Variants in RAPGEF6 observed in about 807,000 individuals in gnomAD.
The protein encoded by RAPGEF6 is PDZ domain containing guanine nucleotide exchange factor (GEF) 2.
A neutral mutation model predicts 171.4 loss-of-function variants in RAPGEF6; 56 were observed. That is an observed-to-expected ratio of 0.33 (90% CI 0.26 to 0.41). RAPGEF6 has a LOEUF of 0.41. RAPGEF6 is among the 10% of genes least tolerant of loss of function. The probability of loss-of-function intolerance (pLI) is 1.00; values close to 1 mark genes in which losing one functional copy is unlikely to be tolerated. For missense variants in RAPGEF6, 1,674 were observed against 1,921.4 expected, an observed-to-expected ratio of 0.87 and a Z score of 2.41; for synonymous variants, 692 against 650.1, an observed-to-expected ratio of 1.06 and a Z score of -0.98.
chr5:131,501,372 A>G lies in RAPGEF6; in HGVS notation c.1255-2765T>C, dbSNP rs148769714. 1.1e-4 allele frequency among the ~76,000 whole-genome samples: 16 copies of G among 152,000 alleles called. No homozygotes were observed. In the East Asian group the frequency reaches 2.9e-3, roughly 28 times the overall value. On this transcript the variant is annotated intron_variant, in intron 11 of 27. Coordinates refer to ENST00000509018, the MANE Select transcript of RAPGEF6 (RefSeq NM_016340.6). The stretch of plus-strand genomic sequence containing the variant: ...AAAAAATCAAATGATCAATCCTTCT[A>G]TGAGCAAAAGATGGTTATGATTTGC...
intron 24 of RAPGEF6, among the ~76,000 whole-genome samples, chr5:131,438,837 A>G (rs1444451543): frequency 6.6e-6 from 1 of 152,204 alleles, no homozygotes; most frequent in African/African-American, 2.4e-5. Flanking sequence ...TAATTTTAAA[A>G]AAGGTAATAC....
chr5:131,485,789 G>A (rs1032628684), intron 15 of RAPGEF6, among the ~76,000 whole-genome samples: 7 of 152,108 alleles, frequency 4.6e-5, no homozygotes, highest in African/African-American at 1.4e-4. Flanking sequence ...CATCTTATCT[G>A]GAAATGGAAC....
At chr5:131,446,423 GA>G in intron 22 of RAPGEF6, 59 bp downstream of exon 22, 1 of 1,460,592 alleles carries the variant, frequency 6.8e-7, no homozygotes, top group Non-Finnish European at 9.3e-7. Flanking sequence ...TAATTCTAGA[GA>G]AATAAGTTTT....
At chr5:131,433,180 G>C (rs1236556793) in intron 25 of RAPGEF6, among the ~76,000 whole-genome samples, 1 of 152,082 alleles carries the variant, frequency 6.6e-6, no homozygotes, top group African/African-American at 2.4e-5. Flanking sequence ...TTTGAGTTCT[G>C]ACTGGAAAGA....
intron 13 of RAPGEF6, among the ~76,000 whole-genome samples, chr5:131,494,150 C>T (rs945952092): frequency 6.6e-6 from 1 of 152,244 alleles, no homozygotes; most frequent in Non-Finnish European, 1.5e-5. Flanking sequence ...GAACTAGGAA[C>T]TACTATCTTT....
chr5:131,485,375 G>C (rs895908689), intron 15 of RAPGEF6, among the ~76,000 whole-genome samples: 2 of 152,206 alleles, frequency 1.3e-5, no homozygotes, highest in African/African-American at 4.8e-5. Flanking sequence ...TGTGGGTCAG[G>C]TAGAGGGACT....
chr5:131,537,576 C>G (rs1759851501), intron 6 of RAPGEF6, among the ~76,000 whole-genome samples: 1 of 152,064 alleles, frequency 6.6e-6, no homozygotes. Context: ...TACACTCATA[C>G]AGCATTATAT....
intron 3 of RAPGEF6, among the ~76,000 whole-genome samples, chr5:131,597,441 G>A (rs1252643967): frequency 6.6e-6 from 1 of 151,936 alleles, no homozygotes; most frequent in East Asian, 1.9e-4. Flanking sequence ...CCAAAATACA[G>A]ACTCAACCCA....
At position 131,521,281 on chromosome 5, in the gene RAPGEF6, G is replaced by A. The variant is rs1005524916; in HGVS notation, c.627+109C>T. ...AAGCTTATTTTTCTAAAGACCTTAC[G>A]CTTGAATTTCATACTCTAAAAGATA... On this transcript the variant is annotated intron_variant, in intron 7 of 27. Transcript: ENST00000509018. The A allele has an allele frequency of 1.4e-4, 159 of 1,154,642 alleles. 1 individual carries two copies. In the Middle Eastern group the frequency reaches 3.0e-3, roughly 22 times the overall value. The allele number at this position is 1,154,642 out of a possible 1,614,324, so 71.5% of individuals were successfully genotyped here.
chr5:131,475,040 C>G (rs1314151027), intron 16 of RAPGEF6, among the ~76,000 whole-genome samples: 2 of 152,228 alleles, frequency 1.3e-5, no homozygotes, highest in Non-Finnish European at 1.5e-5. Flanking sequence ...CCTTATATCT[C>G]TTGCTGATGC....
chr5:131,534,122 T>C (rs1234134191), intron 6 of RAPGEF6, among the ~76,000 whole-genome samples: 1 of 152,070 alleles, frequency 6.6e-6, no homozygotes, highest in Non-Finnish European at 1.5e-5. Flanking sequence ...GCAATATAAT[T>C]ATTTTGCTTT....
At chr5:131,435,877 A>C (rs1405920193) in intron 24 of RAPGEF6, 9 of 1,444,906 alleles carry the variant, frequency 6.2e-6, no homozygotes, top group Non-Finnish European at 7.3e-6. Context: ...GCTTTGACAA[A>C]TGGTTTAATT....
intron 15 of RAPGEF6, among the ~76,000 whole-genome samples, chr5:131,487,152 G>A (rs1235105692): frequency 6.6e-6 from 1 of 152,000 alleles, no homozygotes; most frequent in Non-Finnish European, 1.5e-5. Flanking sequence ...TCCTTCAGAT[G>A]TGTCCGGAGT....
intron 1 of RAPGEF6, among the ~76,000 whole-genome samples, chr5:131,607,852 GATAAA>G (rs370038006): frequency 2.0e-5 from 3 of 152,206 alleles, no homozygotes; most frequent in East Asian, 1.9e-4. Context: ...TTTAGGTCAA[GATAAA>G]ATAAAAGAAA....
chr5:131,469,104 G>A (rs1754574095), intron 17 of RAPGEF6, among the ~76,000 whole-genome samples: 1 of 152,130 alleles, frequency 6.6e-6, no homozygotes, highest in African/African-American at 2.4e-5. Context: ...AAAAATTTGT[G>A]GTAGAACAAC....
chr5:131,629,419 C>A (rs570195406), intron 1 of RAPGEF6, among the ~76,000 whole-genome samples: 6 of 151,892 alleles, frequency 4.0e-5, no homozygotes, highest in Non-Finnish European at 7.4e-5. Context: ...TTGAAGGGTA[C>A]AACACTTCAG....
rs1009521890 is a variant in RAPGEF6, at chr5:131,549,572, G to A, written c.352-1382C>T. ...AAAAGTTATGTGGGGGTGAGGGGGC[G>A]CAGTGGCGAGTGCCTGTAGTCCCTG... On this transcript the variant is annotated intron_variant, in intron 5 of 27. Coordinates refer to ENST00000509018, the MANE Select transcript of RAPGEF6 (RefSeq NM_016340.6). Among the ~76,000 whole-genome samples the A allele has an allele frequency of 7.2e-5, 11 of 151,982 alleles. No homozygotes were observed. The South Asian group carries it at 1.0e-3, about 14-fold the overall frequency.
intron 4 of RAPGEF6, among the ~76,000 whole-genome samples, chr5:131,572,520 G>A (rs935056096): frequency 2.0e-5 from 3 of 152,144 alleles, no homozygotes; most frequent in Non-Finnish European, 2.9e-5. Context: ...CCACAGGGAC[G>A]CCTGCCTTGA....
At chr5:131,529,830 C>T (rs1040420427) in intron 6 of RAPGEF6, among the ~76,000 whole-genome samples, 1 of 147,850 alleles carries the variant, frequency 6.8e-6, no homozygotes, top group Non-Finnish European at 1.5e-5. Context: ...CCCAGGAGTT[C>T]AAGGCTGCAG....
Sources: gnomAD v4.1 joint callset for allele counts (sites outside exome capture counted in the v4.1 genomes callset) on GRCh38, gnomAD v4.1.1 for gene constraint, MANE v1.5 for transcripts, NCBI Gene and HGNC (gene_info 2026-07-23, HGNC 2026-07-21) for gene names.